TRIM5: variants seen among roughly 807,000 people sequenced by gnomAD.
TRIM5 encodes tripartite motif-containing protein 5.
Under a neutral mutation model 35.6 loss-of-function variants are expected in TRIM5, and 31 were observed. The observed-to-expected ratio is 0.87, with a 90% CI of 0.65 to 1.18. TRIM5 has a LOEUF of 1.18. TRIM5 is among the 50% of genes most tolerant of loss of function. The pLI is 0.00. For synonymous variants in TRIM5, 243 were observed against 215.6 expected, an observed-to-expected ratio of 1.13 and a Z score of -1.11; for missense variants, 609 against 591.6, an observed-to-expected ratio of 1.03 and a Z score of -0.31.
chr11:5,612,489 A>T, the TRIM5 span: 1 of 152,238 alleles, frequency 6.6e-6, no homozygotes, highest in Non-Finnish European at 1.5e-5. Flanking sequence ...AATCCAATAC[A>T]TATTTTTCTC....
chr11:5,607,194 A>G, the TRIM5 span, among the ~76,000 whole-genome samples: 6 of 151,702 alleles, frequency 4.0e-5, no homozygotes, highest in Admixed American at 3.3e-4. Context: ...ACAGAGCAAG[A>G]CTCCATCTCA....
At position 5,666,057 on chromosome 11, in the gene TRIM5, C is replaced by T. The variant is rs779154503; in HGVS notation, c.792G>A (p.Lys264=). The T allele has an allele frequency of 4.3e-6, 7 of 1,609,250 alleles. No homozygotes were observed. The highest frequency in any genetic ancestry group is 2.2e-5 in the South Asian group (2 of 90,824). ...IKRTENVTLK[K]PETFPKNQRR... The stretch of plus-strand genomic sequence containing the variant: ...TTTGATTTTTTGGAAAAGTTTCTGG[C>T]TTCTTCAAGGTCACGTTCTCCGTCC... Residue 264 remains lysine (K), a synonymous_variant, in exon 6 of 8, where the codon AAG becomes AAA. Transcript: ENST00000380034.
the TRIM5 span, among the ~76,000 whole-genome samples, chr11:5,638,083 TCCTTACATC>T: frequency 6.6e-6 from 1 of 152,334 alleles, no homozygotes; most frequent in South Asian, 2.1e-4. Context: ...GCGTATCCAA[TCCTTACATC>T]CCTACCAGCC....
downstream of TRIM5, among the ~76,000 whole-genome samples, chr11:5,661,642 T>C (rs1850829776): frequency 6.6e-6 from 1 of 152,124 alleles, no homozygotes; most frequent in South Asian, 2.1e-4. Context: ...GGTTCAGAAG[T>C]GATGGGGAGG....
chr11:5,682,259 T>C (rs1393725078), intron 1 of TRIM5, among the ~76,000 whole-genome samples: 1 of 152,164 alleles, frequency 6.6e-6, no homozygotes, highest in Non-Finnish European at 1.5e-5. Context: ...CAAAATGAGC[T>C]GAGCTTGGTG....
the TRIM5 span, among the ~76,000 whole-genome samples, chr11:5,593,204 A>T: frequency 1.3e-5 from 2 of 152,372 alleles, no homozygotes; most frequent in East Asian, 3.9e-4. Context: ...CAGAAAATCC[A>T]GTTAGGCCTA....
chr11:5,676,768 G>A (rs1262706398), intron 4 of TRIM5, among the ~76,000 whole-genome samples: 1 of 150,528 alleles, frequency 6.6e-6, no homozygotes, highest in African/African-American at 2.4e-5. Context: ...TAGATCAATG[G>A]AACAGAACAG....
At chr11:5,643,425 T>C in the TRIM5 span, 2 of 1,614,218 alleles carry the variant, frequency 1.2e-6, no homozygotes, top group South Asian at 2.2e-5. Flanking sequence ...CAGACCTCTA[T>C]TTGGCTACTG....
the TRIM5 span, among the ~76,000 whole-genome samples, chr11:5,628,407 G>T: frequency 6.6e-6 from 1 of 152,186 alleles, no homozygotes. Context: ...TCAGATCCTG[G>T]TCTGACCAAT....
chr11:5,658,292 G>T (rs1850698649), downstream of TRIM5, among the ~76,000 whole-genome samples: 1 of 152,206 alleles, frequency 6.6e-6, no homozygotes, highest in Non-Finnish European at 1.5e-5. Flanking sequence ...AGGACAGCCT[G>T]GCTGCTGGGT....
chr11:5,641,306 G>A, the TRIM5 span: 3 of 1,565,590 alleles, frequency 1.9e-6, no homozygotes, highest in South Asian at 2.3e-5. Context: ...AAATTTGGAT[G>A]TATCGTTATC....
chr11:5,611,005 G>T, the TRIM5 span: 3 of 1,613,980 alleles, frequency 1.9e-6, no homozygotes, highest in African/African-American at 4.0e-5. Flanking sequence ...AATTCACTGG[G>T]ACCTACATTC....
the TRIM5 span, chr11:5,643,303 A>G: frequency 2.5e-6 from 4 of 1,614,050 alleles, no homozygotes; most frequent in Non-Finnish European, 3.4e-6. Context: ...TGGGAAGTGG[A>G]CGTGTCCAAG....
the TRIM5 span, chr11:5,603,753 A>G: frequency 1.2e-6 from 2 of 1,609,948 alleles, no homozygotes; most frequent in South Asian, 2.2e-5. Flanking sequence ...CCCAGGATGG[A>G]ATGGGAGACA....
intron 4 of TRIM5, chr11:5,670,053 A>T (rs1851457649): frequency 1.3e-5 from 2 of 154,346 alleles, no homozygotes; most frequent in African/African-American, 4.8e-5. Context: ...TTCTCTGTAC[A>T]TGAAGGAAAT....
chr11:5,670,864 G>A (rs1216518004), intron 4 of TRIM5, among the ~76,000 whole-genome samples: 1 of 152,102 alleles, frequency 6.6e-6, no homozygotes, highest in Non-Finnish European at 1.5e-5. Flanking sequence ...GCAACCACAG[G>A]GAAGTAAATA....
rs1009057676 is a variant in TRIM5 at position 5,663,731 on chromosome 11, G to A, written c.*1078C>T. The A allele has an allele frequency of 3.6e-6, 1 of 281,348 alleles. No homozygotes were observed. Among genetic ancestry groups the A allele is most frequent in the Non-Finnish European group, 5.4e-6 (1 of 186,340 alleles). 17.4% of individuals were successfully genotyped at this position (281,348 alleles called of 1,614,324 possible). A position where few individuals can be genotyped will look rare whatever the true frequency, so the allele number is the denominator to read the frequency against. On this transcript the variant is annotated 3_prime_UTR_variant, in exon 8 of 8. Coordinates refer to ENST00000380034, the MANE Select transcript of TRIM5 (RefSeq NM_033034.3). ...CGTAATAACCGAACCAGGGTAATTA[G>A]CATATCCATCACCTCAAATATGTGT...
chr11:5,679,096 C>T lies in TRIM5; in HGVS notation c.491G>A (p.Arg164Lys), dbSNP rs1326115137. The change falls in exon 3 of 8, where the codon AGA becomes AAA. Residue 164 changes from arginine to lysine, a missense_variant. Transcript: ENST00000380034. ...TGCCTTCCAGGAAGCTTTCTCTTCT[C>T]TGATGTCAGCTTCTAACTCTTCAGC... ...QEAEELEADI[R>K]EEKASWKTQI... The T allele has an allele frequency of 1.9e-6, 3 of 1,613,922 alleles. No homozygotes were observed. Among genetic ancestry groups the T allele is most frequent in the Non-Finnish European group, 8.5e-7 (1 of 1,179,962 alleles).
At chr11:5,642,290 G>A in the TRIM5 span, 1 of 877,372 alleles carries the variant, frequency 1.1e-6, no homozygotes, top group East Asian at 2.6e-5. Flanking sequence ...CCCTCCTCAG[G>A]CTCAGGGAGA....
Sources: allele counts gnomAD v4.1 joint callset (sites outside exome capture counted in the v4.1 genomes callset), GRCh38; gene constraint gnomAD v4.1.1; transcripts MANE v1.5; gene names NCBI Gene and HGNC (gene_info 2026-07-23, HGNC 2026-07-21).